SART3: variants seen among roughly 807,000 people sequenced by gnomAD.
SART3 encodes the protein HIV-1 Tat-interacting protein of 110kDa.
A neutral mutation model predicts 122.3 loss-of-function variants in SART3; 44 were observed. The observed-to-expected ratio is 0.36, with a 90% confidence interval of 0.28 to 0.46. The LOEUF is 0.46. Ranked by LOEUF, SART3 falls within the 20% of genes least tolerant of loss-of-function variation. SART3 has a pLI of 1.00. For missense variants in SART3, 1,101 were observed against 1,229.0 expected (o/e 0.90, Z 1.56); for synonymous variants, 442 against 454.0 (o/e 0.97, Z 0.34).
intron 5 of SART3, 22 bp downstream of exon 5, chr12:108,544,405 T>C (rs1873309618): frequency 1.9e-6 from 3 of 1,600,882 alleles, no homozygotes; most frequent in African/African-American, 1.3e-5. Context: ...GGGCTGGCTG[T>C]TGACATGTCA....
intron 1 of SART3, among the ~76,000 whole-genome samples, chr12:108,552,417 A>G (rs2030043464): frequency 6.6e-6 from 1 of 151,954 alleles, no homozygotes; most frequent in South Asian, 2.1e-4. Flanking sequence ...CGGAAAAATA[A>G]AACTGTCCTG....
At chr12:108,557,440 T>C (rs2030278235) in intron 1 of SART3, among the ~76,000 whole-genome samples, 1 of 152,150 alleles carries the variant, frequency 6.6e-6, no homozygotes, top group Non-Finnish European at 1.5e-5. Context: ...AAAAATGTGT[T>C]ATACCTAGCT....
chr12:108,542,862 G>A, intron 6 of SART3, 166 bp downstream of exon 6: 1 of 951,010 alleles, frequency 1.1e-6, no homozygotes. Context: ...CTGGGTGGTA[G>A]GTACATGGAT....
In SART3 at chr12:108,560,897, T is replaced by G. The variant is rs367935579; in HGVS notation, c.258A>C (p.Glu86Asp). Residue 86 changes from glutamate to aspartate, a missense_variant, in exon 1 of 19, where the codon GAA becomes GAC. By Grantham distance (45) the Glu-to-Asp change is conservative (BLOSUM62 2). Around this residue, in one of 2 missense-constraint regions of SART3, gnomAD observed 216 missense variants for 148.9 expected, o/e 1.45. Transcript: ENST00000546815. ...AESSPGEYEW[E>D]YDEEEEKNQL... ...GGTTTTTCTCCTCCTCTTCGTCATATTCCCACTCGTACTCCCCGGGGGAGC... is the reference window on the plus strand; with the variant it reads ...GGTTTTTCTCCTCCTCTTCGTCATAGTCCCACTCGTACTCCCCGGGGGAGC... 1 of 1,612,428 alleles carries G rather than the reference T, an allele frequency of 6.2e-7. No individual in the cohort carries two copies. Among genetic ancestry groups the G allele is most frequent in the South Asian group, 1.1e-5 (1 of 90,990 alleles).
Position 108,543,004 on chromosome 12 carries a change from A to C in SART3, c.906+24T>G, listed in dbSNP as rs202178067. The C allele has an allele frequency of 1.9e-6, 3 of 1,614,152 alleles. No homozygotes were observed. In the East Asian group the frequency reaches 6.7e-5, roughly 36 times the overall value. On this transcript the variant is annotated intron_variant, in intron 6 of 18. Transcript: ENST00000546815. ...GGGAAAGGTTTGTAGAGAGACGTTT[A>C]CTATAAAAGAAGCCAACACTTACCA...
intron 1 of SART3, among the ~76,000 whole-genome samples, chr12:108,558,033 G>A (rs2030306563): frequency 6.6e-6 from 1 of 152,124 alleles, no homozygotes; most frequent in African/African-American, 2.4e-5. Flanking sequence ...GCCAGGCATG[G>A]GGGTGCATGC....
At chr12:108,549,362 C>T in intron 1 of SART3, 148 bp from the exon 2 acceptor site, 1 of 760,966 alleles carries the variant, frequency 1.3e-6, no homozygotes, top group East Asian at 2.7e-5. Flanking sequence ...CCAGCACGTA[C>T]CCACAGGTAG....
chr12:108,530,087 G>A (rs1231297468), intron 15 of SART3, 55 bp downstream of exon 15: 6 of 1,597,178 alleles, frequency 3.8e-6, no homozygotes, highest in East Asian at 2.2e-5. Context: ...TACTGTATTC[G>A]CAACTTCTCT....
chr12:108,550,812 A>G (rs2029974696), intron 1 of SART3, among the ~76,000 whole-genome samples: 1 of 152,228 alleles, frequency 6.6e-6, no homozygotes, highest in Admixed American at 6.5e-5. Context: ...CAGTGAGCAG[A>G]GATCCAGCCT....
intron 1 of SART3, among the ~76,000 whole-genome samples, chr12:108,559,039 GAAAAAAAAAAAA>G (rs747479698): frequency 9.6e-6 from 1 of 103,944 alleles, no homozygotes; most frequent in East Asian, 2.9e-4. Context: ...TCTCAAAAAA[GAAAAAAAAAAAA>G]AAAAAAAAAA....
intron 9 of SART3, 112 bp from the exon 10 acceptor site, chr12:108,536,897 A>T (rs995347437): frequency 1.1e-6 from 1 of 937,798 alleles, no homozygotes; most frequent in African/African-American, 1.6e-5. Flanking sequence ...GGCATCATGC[A>T]AGGGACACAG....
chr12:108,531,163 T>G (rs763705073), intron 14 of SART3, 41 bp downstream of exon 14: 1 of 1,541,846 alleles, frequency 6.5e-7, no homozygotes, highest in Non-Finnish European at 9.0e-7. Flanking sequence ...TGAGCCAAAA[T>G]AGCTACCAGA....
intron 16 of SART3, 21 bp from the exon 17 acceptor site, chr12:108,525,630 G>C (rs1565856582): frequency 1.2e-6 from 2 of 1,613,532 alleles, no homozygotes; most frequent in East Asian, 2.2e-5. Flanking sequence ...AAGGAAGACA[G>C]AGAAAAACCA....
In SART3 at chr12:108,560,890, C is replaced by G. The variant is rs770060910; in HGVS notation, c.265G>C (p.Glu89Gln). ...TCCAGCTGGTTTTTCTCCTCCTCTT[C>G]GTCATATTCCCACTCGTACTCCCCG... Reference protein sequence around the residue: ...SPGEYEWEYDEEEEKNQLEIE... With the variant: ...SPGEYEWEYDQEEEKNQLEIE... Residue 89 changes from glutamate to glutamine, a missense_variant, in exon 1 of 19, where the codon GAA (glutamate) becomes CAA (glutamine). By Grantham distance (29) the Glu-to-Gln change is conservative. This residue lies in a region of SART3 where 216 missense variants were observed against 148.9 expected (regional missense o/e 1.45). Coordinates refer to ENST00000546815, the MANE Select transcript of SART3 (RefSeq NM_014706.4). 6.2e-7 allele frequency: 1 copy of G among 1,608,654 alleles called. No individual in the cohort carries two copies. The highest frequency in any genetic ancestry group is 1.3e-5 in the African/African-American group (1 of 74,948).
chr12:108,534,507 T>TAA (rs879940836), intron 12 of SART3, among the ~76,000 whole-genome samples: 2 of 139,548 alleles, frequency 1.4e-5, no homozygotes, highest in Admixed American at 1.4e-4. Context: ...GTGCCTCTTC[T>TAA]AAAAAAAAAA....
At chr12:108,556,695 A>T (rs1354833249) in intron 1 of SART3, among the ~76,000 whole-genome samples, 2 of 152,268 alleles carry the variant, frequency 1.3e-5, no homozygotes, top group African/African-American at 4.8e-5. Flanking sequence ...ATGGGCTATC[A>T]TGACACACTG....
At chr12:108,542,962 C>T in intron 6 of SART3, 66 bp downstream of exon 6, 2 of 1,598,198 alleles carry the variant, frequency 1.3e-6, no homozygotes, top group Non-Finnish European at 1.7e-6. Context: ...TACTGTTTAA[C>T]TCGCAACTAT....
At chr12:108,546,343 G>A (rs1207803556) in intron 3 of SART3, among the ~76,000 whole-genome samples, 1 of 152,018 alleles carries the variant, frequency 6.6e-6, no homozygotes, top group Non-Finnish European at 1.5e-5. Context: ...GGGACAACAG[G>A]AGCATGCCAC....
chr12:108,540,710 G>A (rs910022092), intron 6 of SART3, among the ~76,000 whole-genome samples: 34 of 147,910 alleles, frequency 2.3e-4, no homozygotes, highest in African/African-American at 8.4e-4. Context: ...CTATCCAAGA[G>A]CAAAACATTA....
Sources: gnomAD v4.1 joint callset for allele counts (sites outside exome capture counted in the v4.1 genomes callset) on GRCh38, gnomAD v4.1.1 for gene constraint, gnomAD v4.1.1 regional missense constraint, MANE v1.5 for transcripts, NCBI Gene and HGNC (gene_info 2026-07-23, HGNC 2026-07-21) for gene names.